ACVR1C: variants seen among roughly 807,000 people sequenced by gnomAD.
ACVR1C encodes the protein activin A receptor type 1C, also known as activin receptor type-1C.
ACVR1C carries 23 observed loss-of-function variants against 57.9 expected under a neutral mutation model. The observed-to-expected ratio is 0.40, with a 90% CI of 0.29 to 0.56. ACVR1C has a LOEUF of 0.56. Ranked by LOEUF, ACVR1C falls within the 20% of genes least tolerant of loss-of-function variation. ACVR1C has a pLI of 0.50. For missense variants in ACVR1C, 480 were observed against 607.9 expected, an observed-to-expected ratio of 0.79 and a Z score of 2.21; for synonymous variants, 214 against 215.3, an observed-to-expected ratio of 0.99 and a Z score of 0.05.
intron 1 of ACVR1C, among the ~76,000 whole-genome samples, chr2:157,618,495 G>A (rs1682700827): frequency 6.6e-6 from 1 of 151,616 alleles, no homozygotes; most frequent in African/African-American, 2.4e-5. Context: ...TAAAAGACAA[G>A]TATGTAAGAC....
intron 1 of ACVR1C, among the ~76,000 whole-genome samples, chr2:157,609,534 T>C (rs1682484495): frequency 1.3e-5 from 2 of 152,004 alleles, no homozygotes; most frequent in Admixed American, 1.3e-4. Flanking sequence ...TCATTTTCTG[T>C]CTAGATAAAC....
At chr2:157,537,425 A>T (rs1429936181) in intron 8 of ACVR1C, among the ~76,000 whole-genome samples, 1 of 151,860 alleles carries the variant, frequency 6.6e-6, no homozygotes, top group African/African-American at 2.4e-5. Flanking sequence ...AATTTCAATT[A>T]AATTATAAAT....
chr2:157,546,743 C>A (rs151213779), intron 4 of ACVR1C, among the ~76,000 whole-genome samples: 5 of 151,964 alleles, frequency 3.3e-5, no homozygotes, highest in Non-Finnish European at 1.5e-5. Context: ...AGATAATCAA[C>A]GAATTTTATA....
chr2:157,550,017 A>AT, intron 4 of ACVR1C, 145 bp downstream of exon 4: 3 of 693,250 alleles, frequency 4.3e-6, no homozygotes, highest in South Asian at 2.1e-5. Context: ...AAAAAAAAAA[A>AT]GAAAGAAAAG....
chr2:157,627,958 A>G (rs1480865874), intron 1 of ACVR1C, among the ~76,000 whole-genome samples: 1 of 152,194 alleles, frequency 6.6e-6, no homozygotes, highest in Non-Finnish European at 1.5e-5. Flanking sequence ...CGCTTGCCAG[A>G]ATTTTTTTCC....
intron 1 of ACVR1C, among the ~76,000 whole-genome samples, chr2:157,628,256 TA>T (rs2105164968): frequency 6.6e-6 from 1 of 152,170 alleles, no homozygotes; most frequent in Admixed American, 6.5e-5. Flanking sequence ...AACGCTCTCC[TA>T]TTTTCTCCGC....
chr2:157,600,854 G>A (rs558678364), intron 1 of ACVR1C, among the ~76,000 whole-genome samples: 2 of 152,258 alleles, frequency 1.3e-5, no homozygotes, highest in Admixed American at 1.3e-4. Context: ...TGGATACTAT[G>A]AGGAATTCAT....
At chr2:157,547,266 C>T (rs1424456707) in intron 4 of ACVR1C, among the ~76,000 whole-genome samples, 13 of 118,976 alleles carry the variant, frequency 1.1e-4, no homozygotes, top group African/African-American at 2.6e-4. Flanking sequence ...TGAATAATGC[C>T]GCAATAAACA....
intron 1 of ACVR1C, among the ~76,000 whole-genome samples, chr2:157,626,039 C>T (rs1476737017): frequency 6.6e-6 from 1 of 152,178 alleles, no homozygotes; most frequent in Admixed American, 6.5e-5. Flanking sequence ...GTGATCATGG[C>T]TCACTGCAAT....
intron 3 of ACVR1C, among the ~76,000 whole-genome samples, chr2:157,553,955 G>A (rs1573914592): frequency 6.6e-6 from 1 of 151,858 alleles, no homozygotes; most frequent in Non-Finnish European, 1.5e-5. Flanking sequence ...GGCCAAGGCA[G>A]GCAGATCACT....
At chr2:157,608,579 T>C (rs1234089611) in intron 1 of ACVR1C, among the ~76,000 whole-genome samples, 3 of 151,616 alleles carry the variant, frequency 2.0e-5, no homozygotes, top group African/African-American at 4.9e-5. Flanking sequence ...CTTTATATGT[T>C]TGGTAGAATT....
intron 2 of ACVR1C, among the ~76,000 whole-genome samples, chr2:157,572,655 A>G (rs549152627): frequency 2.2e-4 from 33 of 152,298 alleles, no homozygotes; most frequent in Middle Eastern, 3.4e-3. Context: ...TCAATTTCCT[A>G]TTACATCTCT....
chr2:157,613,916 G>T (rs1682588744), intron 1 of ACVR1C, among the ~76,000 whole-genome samples: 1 of 152,118 alleles, frequency 6.6e-6, no homozygotes, highest in African/African-American at 2.4e-5. Context: ...CATTCTGGAA[G>T]TTTATGTAGA....
At chr2:157,579,009 C>T (rs1277291333) in intron 2 of ACVR1C, among the ~76,000 whole-genome samples, 2 of 152,082 alleles carry the variant, frequency 1.3e-5, no homozygotes, top group Admixed American at 1.3e-4. Context: ...AAATTAAATT[C>T]AGCTCTAATT....
At chr2:157,547,783 A>G (rs1165058748) in intron 4 of ACVR1C, among the ~76,000 whole-genome samples, 4 of 151,350 alleles carry the variant, frequency 2.6e-5, no homozygotes, top group African/African-American at 7.3e-5. Flanking sequence ...GTTCACTCTG[A>G]TGGTAGTTTC....
chr2:157,628,164 C>G (rs1390996901), intron 1 of ACVR1C, among the ~76,000 whole-genome samples: 1 of 152,176 alleles, frequency 6.6e-6, no homozygotes, highest in African/African-American at 2.4e-5. Context: ...AGGGGCTTAG[C>G]ACAGAGCGCG....
At chr2:157,549,240 A>G (rs1687849605) in intron 4 of ACVR1C, among the ~76,000 whole-genome samples, 1 of 152,124 alleles carries the variant, frequency 6.6e-6, no homozygotes, top group Admixed American at 6.5e-5. Context: ...CTGTAGTTCC[A>G]GCTACTTGGG....
intron 3 of ACVR1C, among the ~76,000 whole-genome samples, chr2:157,552,929 T>C (rs752763593): frequency 1.3e-5 from 2 of 152,204 alleles, no homozygotes; most frequent in Non-Finnish European, 2.9e-5. Context: ...CTTTCAATAA[T>C]GTCACCATCA....
chr2:157,586,244 T>C lies in ACVR1C; in HGVS notation c.304+943A>G, dbSNP rs141461825. Among the ~76,000 whole-genome samples, 297 of 152,232 alleles carry C rather than the reference T, an allele frequency of 2.0e-3. 1 individual carries two copies. Among genetic ancestry groups the C allele is most frequent in the African/African-American group, 6.8e-3 (281 of 41,576 alleles). ...TGGTTTTTAATTGGTGGTAGTGATATTATATTTTATAAAATAAATGTTTTT... is the reference window on the plus strand; with the variant it reads ...TGGTTTTTAATTGGTGGTAGTGATACTATATTTTATAAAATAAATGTTTTT... On this transcript the variant is annotated intron_variant, in intron 2 of 8. Coordinates refer to ENST00000243349, the MANE Select transcript of ACVR1C (RefSeq NM_145259.3).
Sources: allele counts gnomAD v4.1 joint callset (sites outside exome capture counted in the v4.1 genomes callset), GRCh38; gene constraint gnomAD v4.1.1; transcripts MANE v1.5; gene names NCBI Gene and HGNC (gene_info 2026-07-23, HGNC 2026-07-21).